The following TOMM7 variants were observed in gnomAD, a reference collection of about 807,000 sequenced individuals.
TOMM7 encodes translocase of outer mitochondrial membrane 7.
Under a neutral mutation model 9.5 loss-of-function variants are expected in TOMM7, and 8 were observed. That is an observed-to-expected ratio of 0.84 (90% CI 0.49 to 1.51). The LOEUF is 1.51. TOMM7 is among the 40% of genes most tolerant of loss of function. The pLI, the probability that TOMM7 is intolerant of heterozygous loss-of-function variation, is 0.00. For missense variants in TOMM7, 74 were observed against 63.7 expected, an observed-to-expected ratio of 1.16 and a Z score of -0.55; for synonymous variants, 27 against 21.4, an observed-to-expected ratio of 1.26 and a Z score of -0.72.
At chr7:22,821,995 G>C (rs1424671116) in intron 1 of TOMM7, among the ~76,000 whole-genome samples, 3 of 152,076 alleles carry the variant, frequency 2.0e-5, no homozygotes, top group East Asian at 1.9e-4. Context: ...GCGAGACTCT[G>C]TCTTAAAAAC....
rs146155512 is a variant in TOMM7, at chr7:22,820,423, A to G, written c.103+2254T>C. ...CTTACACGAAGCCCCTGGCATGCAG[A>G]TTGCAGCAACCAGCTACAGCTTTCT... On this transcript the variant is annotated intron_variant, in intron 1 of 2. Coordinates refer to ENST00000358435, the MANE Select transcript of TOMM7 (RefSeq NM_019059.5). Among the ~76,000 whole-genome samples, 769 of 152,362 alleles carry G rather than the reference A, an allele frequency of 5.0e-3. 11 individuals are homozygous for G. The highest frequency in any genetic ancestry group is 0.017 in the African/African-American group (711 of 41,582).
At chr7:22,820,387 C>T (rs1782370552) in intron 1 of TOMM7, among the ~76,000 whole-genome samples, 2 of 152,184 alleles carry the variant, frequency 1.3e-5, no homozygotes, top group Non-Finnish European at 2.9e-5. Context: ...AAAAGGAATG[C>T]ATTATCCACT....
chr7:22,819,259 T>C (rs1782355311), intron 1 of TOMM7, among the ~76,000 whole-genome samples: 2 of 151,930 alleles, frequency 1.3e-5, no homozygotes, highest in South Asian at 4.1e-4. Context: ...GTATATGTAA[T>C]AGGGAATAAA....
At chr7:22,821,727 GCA>G (rs1782394115) in intron 1 of TOMM7, among the ~76,000 whole-genome samples, 1 of 151,820 alleles carries the variant, frequency 6.6e-6, no homozygotes. Flanking sequence ...TCCAGCCTGG[GCA>G]CACAGCGACT....
At chr7:22,817,965 A>G (rs1583463342) in intron 2 of TOMM7, 35 bp downstream of exon 2, 1 of 1,602,876 alleles carries the variant, frequency 6.2e-7, no homozygotes. Context: ...CTGTATGAAC[A>G]TTTGTCCTGA....
rs1782267555 is a variant in TOMM7 at position 22,812,992 on chromosome 7, T to C, written c.*178A>G. 1 of 627,738 alleles carries C rather than the reference T, an allele frequency of 1.6e-6. No homozygotes were observed. The highest frequency in any genetic ancestry group is 1.8e-5 in the African/African-American group (1 of 54,492). The allele number at this position is 627,738 out of a possible 1,614,324, so 38.9% of individuals were successfully genotyped here. ...AGCATAACACTGTTAAAAACATTTATTCTGATACATTCTATCATAAGTTAG... is the reference window on the plus strand; with the variant it reads ...AGCATAACACTGTTAAAAACATTTACTCTGATACATTCTATCATAAGTTAG... On this transcript the variant is annotated 3_prime_UTR_variant, in exon 3 of 3. Transcript: ENST00000358435.
At chr7:22,813,278 G>T (rs1782272131) in intron 2 of TOMM7, 93 bp from the exon 3 acceptor site, 3 of 1,131,500 alleles carry the variant, frequency 2.7e-6, no homozygotes, top group African/African-American at 3.1e-5. Flanking sequence ...ATACATTTAT[G>T]TTTGTTTCCT....
chr7:22,818,441 C>A (rs772234410), intron 1 of TOMM7: 6 of 160,128 alleles, frequency 3.7e-5, no homozygotes, highest in Non-Finnish European at 5.5e-5. Context: ...CCACACCCAG[C>A]TAAATTTTTT....
rs566507996 is a variant in TOMM7 at position 22,822,060 on chromosome 7, G to T, written c.103+617C>A. 2.6e-4 allele frequency: 370 copies of T among 1,408,730 alleles called. 2 individuals are homozygous for T. Among genetic ancestry groups the T allele is most frequent in the South Asian group, 2.5e-3 (183 of 74,138 alleles). The allele number at this position is 1,408,730 out of a possible 1,614,324, so 87.3% of individuals were successfully genotyped here. A position where few individuals can be genotyped will look rare whatever the true frequency, so the allele number is the denominator to read the frequency against. ...GTGCGCTATAATGGTTAAGACTATG[G>T]GCTCTGATGCCCCACTGCCTGAGCC... On this transcript the variant is annotated intron_variant, in intron 1 of 2. Coordinates refer to ENST00000358435, the MANE Select transcript of TOMM7 (RefSeq NM_019059.5).
intron 1 of TOMM7, among the ~76,000 whole-genome samples, chr7:22,821,417 A>G (rs1448478829): frequency 2.7e-5 from 3 of 111,774 alleles, no homozygotes; most frequent in Middle Eastern, 4.4e-3. Context: ...AAAAAAAAAA[A>G]AAAAAAGAAA....
intron 2 of TOMM7, among the ~76,000 whole-genome samples, chr7:22,814,130 T>C (rs979725411): frequency 7.1e-6 from 1 of 141,422 alleles, no homozygotes. Context: ...AGCCCACGAG[T>C]TCGAAACCAG....
intron 2 of TOMM7, among the ~76,000 whole-genome samples, chr7:22,815,324 A>T (rs1782303982): frequency 6.6e-6 from 1 of 152,192 alleles, no homozygotes; most frequent in African/African-American, 2.4e-5. Context: ...CAGGGCACAA[A>T]AAAGTGTTAT....
intron 1 of TOMM7, among the ~76,000 whole-genome samples, chr7:22,819,033 C>T (rs1375576113): frequency 1.3e-5 from 2 of 151,026 alleles, no homozygotes; most frequent in Non-Finnish European, 2.9e-5. Flanking sequence ...GGGGGGTTGG[C>T]GGCAGGGGAT....
intron 1 of TOMM7, chr7:22,822,174 T>C (rs1421386584): frequency 6.4e-7 from 1 of 1,550,508 alleles, no homozygotes; most frequent in East Asian, 2.4e-5. Flanking sequence ...GGGGCAGTAA[T>C]AGAAATCATC....
intron 1 of TOMM7, among the ~76,000 whole-genome samples, chr7:22,821,973 C>G (rs959324933): frequency 1.3e-5 from 2 of 152,072 alleles, no homozygotes; most frequent in Non-Finnish European, 2.9e-5. Context: ...GCACTCCAGT[C>G]TGGGTGACAG....
intron 2 of TOMM7, among the ~76,000 whole-genome samples, chr7:22,816,467 T>A (rs953599329): frequency 6.6e-6 from 1 of 152,186 alleles, no homozygotes; most frequent in Admixed American, 6.5e-5. Flanking sequence ...AGAAAATTGA[T>A]AGATCAAAGA....
intron 1 of TOMM7, chr7:22,822,269 C>T (rs751606143): frequency 6.5e-7 from 1 of 1,549,764 alleles, no homozygotes; most frequent in South Asian, 1.2e-5. Flanking sequence ...GGTACTTTCA[C>T]GAGGTGTCTC....
At chr7:22,815,033 A>C (rs1415730487) in intron 2 of TOMM7, among the ~76,000 whole-genome samples, 1 of 152,324 alleles carries the variant, frequency 6.6e-6, no homozygotes. Context: ...TCCGTAACTG[A>C]GTAACCCTTT....
chr7:22,822,313 CACATGGAGCGGTGAG>C, intron 1 of TOMM7: 1 of 1,524,506 alleles, frequency 6.6e-7, no homozygotes, highest in Admixed American at 2.1e-5. Flanking sequence ...CACTTAGGAC[CACATGGAGCGGTGAG>C]GAAAAACACC....
Sources: gnomAD v4.1 joint callset for allele counts (sites outside exome capture counted in the v4.1 genomes callset) on GRCh38, gnomAD v4.1.1 for gene constraint, MANE v1.5 for transcripts, NCBI Gene and HGNC (gene_info 2026-07-23, HGNC 2026-07-21) for gene names.